KAT6B: variants seen among roughly 807,000 people sequenced by gnomAD.
The protein encoded by KAT6B is histone acetyltransferase KAT6B.
Under a neutral mutation model 187.5 loss-of-function variants are expected in KAT6B, and 10 were observed. The observed-to-expected ratio is 0.05, with a 90% confidence interval of 0.03 to 0.09. The LOEUF (loss-of-function observed/expected upper bound fraction) is 0.09. KAT6B is among the 10% of genes least tolerant of loss of function. KAT6B has a pLI of 1.00. For missense variants in KAT6B, 1,952 were observed against 2,558.9 expected, an observed-to-expected ratio of 0.76 and a Z score of 5.12; for synonymous variants, 861 against 926.8, an observed-to-expected ratio of 0.93 and a Z score of 1.29.
At chr10:74,880,483 A>G (rs561076836) in intron 3 of KAT6B, among the ~76,000 whole-genome samples, 46 of 152,324 alleles carry the variant, frequency 3.0e-4, no homozygotes, top group Admixed American at 1.4e-3. Flanking sequence ...TTCATTAGAC[A>G]TTGATGGTTC....
intron 10 of KAT6B, 25 bp from the exon 11 acceptor site, chr10:74,981,762 T>G: frequency 3.5e-6 from 5 of 1,431,774 alleles, no homozygotes; most frequent in Non-Finnish European, 4.9e-6. Context: ...ATCTGATAGA[T>G]TCTATGATTT....
At chr10:75,009,475 T>C (rs538819955) in intron 13 of KAT6B, among the ~76,000 whole-genome samples, 1 of 152,290 alleles carries the variant, frequency 6.6e-6, no homozygotes, top group African/African-American at 2.4e-5. Flanking sequence ...AATATTAGTA[T>C]ATTGTGGTGA....
intron 3 of KAT6B, among the ~76,000 whole-genome samples, chr10:74,953,632 G>A (rs1172427992): frequency 6.6e-6 from 1 of 152,208 alleles, no homozygotes; most frequent in African/African-American, 2.4e-5. Flanking sequence ...CATGAAAGAT[G>A]TAGATGACTT....
chr10:74,979,560 T>A (rs1842378271), intron 10 of KAT6B, among the ~76,000 whole-genome samples: 1 of 152,078 alleles, frequency 6.6e-6, no homozygotes, highest in Non-Finnish European at 1.5e-5. Flanking sequence ...CATTATAAAT[T>A]TTGCCATTTA....
chr10:75,032,328 G>A lies in KAT6B; in HGVS notation c.*1282G>A, dbSNP rs1846370039. ...GTCCTGTCATATTATGATTGATAGA[G>A]AATGACCAATGGAACTGTATCATGT... On this transcript the variant is annotated 3_prime_UTR_variant, in exon 18 of 18. Transcript: ENST00000287239. 1 of 193,866 alleles carries A rather than the reference G, an allele frequency of 5.2e-6. No homozygotes were observed. Among genetic ancestry groups the A allele is most frequent in the South Asian group, 1.9e-4 (1 of 5,188 alleles). The allele number at this position is 193,866 out of a possible 1,614,324, so 12.0% of individuals were successfully genotyped here. A position where few individuals can be genotyped will look rare whatever the true frequency, so the allele number is the denominator to read the frequency against.
At chr10:74,998,213 C>CG (rs1554839843) in intron 13 of KAT6B, among the ~76,000 whole-genome samples, 2 of 152,118 alleles carry the variant, frequency 1.3e-5, no homozygotes, top group Non-Finnish European at 2.9e-5. Context: ...CTTGGCCTCC[C>CG]AAGTGTGGGA....
intron 3 of KAT6B, among the ~76,000 whole-genome samples, chr10:74,866,528 ATG>A (rs1843562235): frequency 6.6e-6 from 1 of 152,150 alleles, no homozygotes; most frequent in South Asian, 2.1e-4. Flanking sequence ...GGAAAAATAA[ATG>A]TAATTAGAAT....
chr10:74,951,266 A>G (rs1272444099), intron 3 of KAT6B, among the ~76,000 whole-genome samples: 3 of 151,840 alleles, frequency 2.0e-5, no homozygotes, highest in Non-Finnish European at 4.4e-5. Context: ...AGTAGCTGGG[A>G]CTACAGGTGC....
Position 74,907,161 on chromosome 10 carries a change from T to A in KAT6B, c.622-52809T>A, listed in dbSNP as rs531360204. 6.3e-4 allele frequency among the ~76,000 whole-genome samples: 96 copies of A among 152,344 alleles called. No homozygotes were observed. The highest frequency in any genetic ancestry group is 1.2e-3 in the Non-Finnish European group (82 of 68,028). ...GAATTTCTCTTGTTCCATTCTCTTT[T>A]CAGGATACATTCCTTTCACTACAGA... On this transcript the variant is annotated intron_variant, in intron 3 of 17. Transcript: ENST00000287239.
intron 3 of KAT6B, among the ~76,000 whole-genome samples, chr10:74,912,389 A>AT (rs1847300500): frequency 6.6e-6 from 1 of 151,474 alleles, no homozygotes; most frequent in African/African-American, 2.4e-5. Context: ...AGATAGATAG[A>AT]TAGATAGATA....
chr10:74,926,465 A>G (rs769493292), intron 3 of KAT6B, among the ~76,000 whole-genome samples: 1 of 152,188 alleles, frequency 6.6e-6, no homozygotes, highest in Admixed American at 6.5e-5. Flanking sequence ...AAAAACAACA[A>G]CGACAACAAA....
intron 1 of KAT6B, among the ~76,000 whole-genome samples, chr10:74,830,154 TA>T (rs1274460136): frequency 6.6e-6 from 1 of 152,172 alleles, no homozygotes. Context: ...TTCTTCCCTT[TA>T]ATGCCTTAAT....
At chr10:74,826,081 G>T (rs1840185463), upstream of KAT6B, among the ~76,000 whole-genome samples, 1 of 151,812 alleles carries the variant, frequency 6.6e-6, no homozygotes, top group Admixed American at 6.6e-5. Context: ...TAAATCCTGC[G>T]GCCGCCGCCA....
intron 3 of KAT6B, among the ~76,000 whole-genome samples, chr10:74,948,623 G>A (rs1265953388): frequency 6.6e-6 from 1 of 152,210 alleles, no homozygotes; most frequent in Non-Finnish European, 1.5e-5. Flanking sequence ...GTGTTTTGTA[G>A]CACCATATCT....
intron 3 of KAT6B, among the ~76,000 whole-genome samples, chr10:74,943,953 A>G (rs1849892612): frequency 6.6e-6 from 1 of 152,250 alleles, no homozygotes; most frequent in Non-Finnish European, 1.5e-5. Context: ...ACAACTGAAT[A>G]AGACAAACAA....
intron 13 of KAT6B, among the ~76,000 whole-genome samples, chr10:75,019,621 G>A (rs887261051): frequency 1.1e-4 from 16 of 152,184 alleles, no homozygotes; most frequent in African/African-American, 3.4e-4. Context: ...TCATGAAGGT[G>A]AGGCTGTTGA....
At chr10:74,827,868 C>T (rs1450136276) in intron 1 of KAT6B, among the ~76,000 whole-genome samples, 1 of 151,878 alleles carries the variant, frequency 6.6e-6, no homozygotes, top group Non-Finnish European at 1.5e-5. Flanking sequence ...ACTATGTTGC[C>T]CAGGCTGGTC....
intron 13 of KAT6B, among the ~76,000 whole-genome samples, chr10:75,004,192 G>T (rs1386308590): frequency 6.6e-6 from 1 of 152,116 alleles, no homozygotes; most frequent in African/African-American, 2.4e-5. Flanking sequence ...CTAATCTTCA[G>T]CAGAACTGGA....
chr10:74,881,916 C>T (rs1844879935), intron 3 of KAT6B, among the ~76,000 whole-genome samples: 1 of 152,178 alleles, frequency 6.6e-6, no homozygotes, highest in South Asian at 2.1e-4. Flanking sequence ...CTCAGCCTCC[C>T]AAAGTGTTGG....
Sources: gnomAD v4.1 joint callset for allele counts (sites outside exome capture counted in the v4.1 genomes callset) on GRCh38, gnomAD v4.1.1 for gene constraint, MANE v1.5 for transcripts, NCBI Gene and HGNC (gene_info 2026-07-23, HGNC 2026-07-21) for gene names.